Variants in ZNF718 observed in about 807,000 individuals in gnomAD.
ZNF718 encodes zinc finger protein 718.
A neutral mutation model predicts 2.6 loss-of-function variants in ZNF718; 3 were observed. That is an observed-to-expected ratio of 1.16 (90% CI 0.53 to 3.01). The LOEUF (loss-of-function observed/expected upper bound fraction) is 3.01, where lower values mean the gene tolerates loss of function less well. Among genes scored for constraint, ZNF718 ranks in the 30% most tolerant of loss-of-function variants. ZNF718 has a pLI of 0.03. For synonymous variants in ZNF718, 135 were observed against 77.9 expected (o/e 1.73, Z -3.86); for missense variants, 468 against 230.0 (o/e 2.03, Z -6.69).
At chr4:172,418 G>T (rs2108810540) in intron 3 of ZNF718, among the ~76,000 whole-genome samples, 1 of 152,286 alleles carries the variant, frequency 6.6e-6, no homozygotes, top group Middle Eastern at 3.4e-3. Flanking sequence ...GTTAAAGCAT[G>T]TATTAATGTA....
chr4:190,829 A>G (rs1717678826), intron 3 of ZNF718, among the ~76,000 whole-genome samples: 1 of 152,042 alleles, frequency 6.6e-6, no homozygotes, highest in African/African-American at 2.4e-5. Flanking sequence ...TCACAAGGTC[A>G]GGAGTTTGAG....
chr4:190,009 A>G (rs1024419403), intron 3 of ZNF718, among the ~76,000 whole-genome samples: 1 of 152,208 alleles, frequency 6.6e-6, no homozygotes, highest in East Asian at 1.9e-4. Context: ...GTTTGCTAAC[A>G]TTTCTGATAA....
In ZNF718 at chr4:161,622, T is replaced by C. The variant is rs368974434; in HGVS notation, c.937T>C (p.Cys313Arg). ...RIHAGEKPFSCEECGNVFTTS... is the reference protein window; with the variant it reads ...RIHAGEKPFSREECGNVFTTS... The stretch of plus-strand genomic sequence containing the variant: ...TCATGCTGGAGAGAAACCCTTCTCA[T>C]GCGAAGAATGTGGCAATGTCTTTAC... The change falls in exon 4 of 4, where the codon TGC (cysteine) becomes CGC (arginine). Residue 313 changes from cysteine to arginine, a missense_variant. Transcript: ENST00000510175. The C allele has an allele frequency of 3.8e-6, 3 of 780,376 alleles. No homozygotes were observed. The highest frequency in any genetic ancestry group is 7.2e-6 in the Non-Finnish European group (3 of 417,808). The allele number at this position is 780,376 out of a possible 1,614,324, so 48.3% of individuals were successfully genotyped here.
chr4:173,578 TA>T (rs200687032), intron 3 of ZNF718, among the ~76,000 whole-genome samples: 1 of 115,052 alleles, frequency 8.7e-6, no homozygotes, highest in African/African-American at 3.4e-5. Context: ...TTTCCACACT[TA>T]ACAGCCATCT....
At chr4:159,759 T>C (rs1269815670) in intron 3 of ZNF718, among the ~76,000 whole-genome samples, 1 of 152,168 alleles carries the variant, frequency 6.6e-6, no homozygotes, top group Admixed American at 6.5e-5. Context: ...AAATTTTGAA[T>C]ATCTTCATTA....
At chr4:139,543 T>C (rs1427490046) in intron 3 of ZNF718, among the ~76,000 whole-genome samples, 1 of 152,214 alleles carries the variant, frequency 6.6e-6, no homozygotes, top group East Asian at 1.9e-4. Flanking sequence ...CTCCCAAAAA[T>C]TCTGTAATGG....
rs371959308 is a variant in ZNF718, at chr4:143,245, G to A, written c.226+11740G>A. On this transcript the variant is annotated intron_variant, in intron 3 of 3. Coordinates refer to ENST00000510175, the MANE Select transcript of ZNF718 (RefSeq NM_001039127.6). ...GAGTCTCTGTCACCCAGACTGGAGT[G>A]CAGTGGTGTAATCTTGGCTCACTGC... Among the ~76,000 whole-genome samples the A allele has an allele frequency of 4.3e-4, 66 of 152,324 alleles. 3 individuals carry two copies. In the South Asian group the frequency reaches 0.013, roughly 30 times the overall value.
chr4:126,416 A>G (rs1715223021), intron 1 of ZNF718, among the ~76,000 whole-genome samples: 1 of 152,124 alleles, frequency 6.6e-6, no homozygotes, highest in Non-Finnish European at 1.5e-5. Context: ...GTCTTTTTTG[A>G]CTCAGACTTG....
intron 3 of ZNF718, among the ~76,000 whole-genome samples, chr4:136,595 C>G (rs1363166758): frequency 6.6e-6 from 1 of 152,224 alleles, no homozygotes; most frequent in Non-Finnish European, 1.5e-5. Flanking sequence ...ATCTTTGGCT[C>G]CACTGAGGTT....
chr4:176,271 C>CAACTTAG (rs1553819075), intron 3 of ZNF718, among the ~76,000 whole-genome samples: 1 of 152,126 alleles, frequency 6.6e-6, no homozygotes, highest in East Asian at 1.9e-4. Context: ...TACTCAAGCC[C>CAACTTAG]AACTTAGTTT....
intron 3 of ZNF718, among the ~76,000 whole-genome samples, chr4:158,467 T>A (rs1427857487): frequency 1.5e-5 from 2 of 137,884 alleles, no homozygotes; most frequent in African/African-American, 5.3e-5. Flanking sequence ...TGTGTCTTTT[T>A]GATTTTTGTA....
In ZNF718 at chr4:133,427, T is replaced by G. The variant is rs193093799; in HGVS notation, c.226+1922T>G. On this transcript the variant is annotated intron_variant, in intron 3 of 3. Coordinates refer to ENST00000510175, the MANE Select transcript of ZNF718 (RefSeq NM_001039127.6). ...GCTTAGAACATTGCTAAGTGTATAG[T>G]AAGCTCTCAATTATTACCTTATTTC... Among the ~76,000 whole-genome samples, 1,289 of 152,120 alleles carry G rather than the reference T, an allele frequency of 8.5e-3. 18 individuals carry two copies. The highest frequency in any genetic ancestry group is 0.061 in the Middle Eastern group (18 of 294).
At chr4:157,681 G>C (rs1361048088) in intron 3 of ZNF718, among the ~76,000 whole-genome samples, 2 of 151,986 alleles carry the variant, frequency 1.3e-5, no homozygotes, top group African/African-American at 4.8e-5. Context: ...TCTCTTTCCA[G>C]TTTGGTCATA....
chr4:162,099 A>T lies in ZNF718; in HGVS notation c.1414A>T (p.Thr472Ser), dbSNP rs1716913952. The T allele has an allele frequency of 1.3e-6, 1 of 746,006 alleles. No homozygotes were observed. Among genetic ancestry groups the T allele is most frequent in the South Asian group, 1.4e-5 (1 of 69,400 alleles). The allele number at this position is 746,006 out of a possible 1,614,324, so 46.2% of individuals were successfully genotyped here. Residue 472 changes from threonine (T) to serine (S), a missense_variant, in exon 4 of 4, where the codon ACT becomes TCT. Thr to Ser is a moderately conservative substitution (Grantham distance 58). Transcript: ENST00000510175. ...QYSNLPQHKR[T>S]HTGGKF ...CTCCAACCTTCCTCAACATAAGAGA[A>T]CTCATACTGGAGGAAAATTTTAGAA...
At chr4:200,723 C>A (rs1156329470) in intron 3 of ZNF718, among the ~76,000 whole-genome samples, 4 of 151,914 alleles carry the variant, frequency 2.6e-5, no homozygotes, top group Admixed American at 2.0e-4. Context: ...GTTTAAAGTT[C>A]AAAGGATAAA....
intron 3 of ZNF718, among the ~76,000 whole-genome samples, chr4:147,998 C>G (rs782792605): frequency 1.3e-5 from 2 of 152,132 alleles, no homozygotes; most frequent in African/African-American, 2.4e-5. Flanking sequence ...CCTGGAAGAG[C>G]AGGGTTGGTC....
At position 129,160 on chromosome 4, in the gene ZNF718, A is replaced by T. The variant is rs1412837373; in HGVS notation, c.4-1628A>T. ...GTTGTTTTTACCTTGCTAAGAATAA[A>T]TAATTAGCTTCTAATATAATTGGTC... On this transcript the variant is annotated intron_variant, in intron 1 of 3. Transcript: ENST00000510175. 1.9e-5 allele frequency among the ~76,000 whole-genome samples: 2 copies of T among 105,380 alleles called. 1 individual carries two copies. Among genetic ancestry groups the T allele is most frequent in the African/African-American group, 6.6e-5 (2 of 30,468 alleles). 69.1% of individuals were successfully genotyped at this position (105,380 alleles called of 152,430 possible).
intron 3 of ZNF718, among the ~76,000 whole-genome samples, chr4:158,928 A>G (rs1479307609): frequency 6.7e-6 from 1 of 148,770 alleles, no homozygotes; most frequent in Non-Finnish European, 1.5e-5. Context: ...TAGTGCTAAT[A>G]TACTTTTTCA....
chr4:175,778 CCCT>C (rs1246717790), intron 3 of ZNF718, among the ~76,000 whole-genome samples: 1 of 151,994 alleles, frequency 6.6e-6, no homozygotes, highest in Non-Finnish European at 1.5e-5. Context: ...TTAACTGTGA[CCCT>C]CCTCAATTTA....
Sources: allele counts gnomAD v4.1 joint callset (sites outside exome capture counted in the v4.1 genomes callset), GRCh38; gene constraint gnomAD v4.1.1; transcripts MANE v1.5; gene names NCBI Gene and HGNC (gene_info 2026-07-23, HGNC 2026-07-21).